Variants in ATP10A observed in about 807,000 individuals in gnomAD.
ATP10A encodes phospholipid-transporting ATPase VA.
Under a neutral mutation model 147.8 loss-of-function variants are expected in ATP10A, and 111 were observed. The ratio of observed to expected loss-of-function variants is 0.75; its 90% confidence interval spans 0.64 to 0.88. The LOEUF is 0.88. Among genes scored for constraint, ATP10A ranks in the 40% least tolerant of loss-of-function variants. ATP10A has a pLI of 0.00. For missense variants in ATP10A, 1,927 were observed against 1,959.0 expected (o/e 0.98, Z 0.31); for synonymous variants, 875 against 841.6 (o/e 1.04, Z -0.69).
At chr15:25,818,676 G>A (rs11638983) in intron 1 of ATP10A, among the ~76,000 whole-genome samples, 56,558 of 151,918 alleles carry the variant, frequency 0.37, 12,222 homozygotes, top group African/African-American at 0.6. Flanking sequence ...GAACAAAGCC[G>A]GGGCATCACA....
intron 2 of ATP10A, among the ~76,000 whole-genome samples, chr15:25,770,798 C>A (rs1889293226): frequency 6.6e-6 from 1 of 152,248 alleles, no homozygotes; most frequent in Non-Finnish European, 1.5e-5. Context: ...ATACCTCAAG[C>A]CTGCCCTGAG....
At chr15:25,857,398 G>T (rs1390116312) in intron 1 of ATP10A, among the ~76,000 whole-genome samples, 4 of 152,202 alleles carry the variant, frequency 2.6e-5, no homozygotes, top group African/African-American at 9.7e-5. Context: ...AGTGAACCGT[G>T]ATCATGCCAC....
intron 2 of ATP10A, among the ~76,000 whole-genome samples, chr15:25,745,195 A>G (rs6576451): frequency 0.45 from 67,818 of 151,676 alleles, 15,436 homozygotes; most frequent in East Asian, 0.61. Context: ...GTGTGATGTC[A>G]CGTGTCTGTA....
At chr15:25,774,790 G>T (rs909054595) in intron 2 of ATP10A, among the ~76,000 whole-genome samples, 39 of 151,954 alleles carry the variant, frequency 2.6e-4, no homozygotes, top group African/African-American at 7.2e-4. Flanking sequence ...ATTACCTACA[G>T]AACTGAATTT....
intron 2 of ATP10A, among the ~76,000 whole-genome samples, chr15:25,777,216 C>T (rs1268209265): frequency 6.6e-6 from 1 of 151,996 alleles, no homozygotes; most frequent in Non-Finnish European, 1.5e-5. Context: ...GGACATATTC[C>T]TGCAGGCAAC....
intron 14 of ATP10A, 39 bp downstream of exon 14, chr15:25,694,780 C>T (rs375482620): frequency 7.7e-6 from 12 of 1,552,094 alleles, no homozygotes; most frequent in South Asian, 3.6e-5. Flanking sequence ...AGTTTGGGTC[C>T]AGCTGGGAGG....
At chr15:25,695,756 G>T (rs575921068) in intron 13 of ATP10A, among the ~76,000 whole-genome samples, 1 of 152,240 alleles carries the variant, frequency 6.6e-6, no homozygotes, top group East Asian at 1.9e-4. Flanking sequence ...GAAATTGCTG[G>T]ATAGTTAGAC....
intron 1 of ATP10A, among the ~76,000 whole-genome samples, chr15:25,792,538 T>C (rs1381265469): frequency 2.6e-4 from 40 of 152,210 alleles, no homozygotes; most frequent in Non-Finnish European, 1.0e-4. Context: ...AGATGTTGCA[T>C]GTATTTAAAT....
At chr15:25,848,232 C>T (rs546334525) in intron 1 of ATP10A, among the ~76,000 whole-genome samples, 13 of 152,228 alleles carry the variant, frequency 8.5e-5, no homozygotes, top group South Asian at 4.2e-4. Flanking sequence ...ATTAGCTTCC[C>T]GCTGCGGCAA....
intron 2 of ATP10A, among the ~76,000 whole-genome samples, chr15:25,776,307 C>T (rs887369996): frequency 3.9e-5 from 6 of 152,190 alleles, no homozygotes; most frequent in African/African-American, 1.2e-4. Context: ...GAGGAACCCG[C>T]TCCGAATCCA....
In ATP10A at chr15:25,862,845, G is replaced by A. The variant is rs760401110; in HGVS notation, c.252C>T (p.His84=). The A allele has an allele frequency of 3.7e-6, 6 of 1,610,132 alleles. No individual in the cohort carries two copies. In the South Asian group the frequency reaches 5.5e-5, roughly 15 times the overall value. Residue 84 remains histidine, a synonymous_variant, in exon 1 of 21, where the codon CAC becomes CAT. Coordinates refer to ENST00000555815, the MANE Select transcript of ATP10A (RefSeq NM_024490.4). The stretch of plus-strand genomic sequence containing the variant: ...AGACAAAGTACACGTTGGCCGGGCG[G>A]TGGAACTGCTCGAACAGGTTCTTGG... ...FLPKNLFEQF[H]RPANVYFVFI...
At chr15:25,822,511 C>T (rs543111012) in intron 1 of ATP10A, among the ~76,000 whole-genome samples, 1 of 152,218 alleles carries the variant, frequency 6.6e-6, no homozygotes, top group South Asian at 2.1e-4. Context: ...CTTTGCCTAT[C>T]GCACAATAAG....
At chr15:25,693,906 G>A (rs1007002258) in intron 14 of ATP10A, among the ~76,000 whole-genome samples, 6 of 152,218 alleles carry the variant, frequency 3.9e-5, no homozygotes, top group Non-Finnish European at 8.8e-5. Context: ...TCAACAAGCA[G>A]GGGCTGTCAC....
chr15:25,808,604 G>A (rs1309611139), intron 1 of ATP10A, among the ~76,000 whole-genome samples: 1 of 152,142 alleles, frequency 6.6e-6, no homozygotes, highest in African/African-American at 2.4e-5. Flanking sequence ...GGATGGTCTC[G>A]AACTCCCAAC....
At chr15:25,785,772 G>A (rs1052501802) in intron 1 of ATP10A, among the ~76,000 whole-genome samples, 1 of 152,214 alleles carries the variant, frequency 6.6e-6, no homozygotes, top group Admixed American at 6.5e-5. Context: ...GGCTGGGGAA[G>A]TCTGGCTGTG....
chr15:25,842,041 C>T (rs960318421), intron 1 of ATP10A, among the ~76,000 whole-genome samples: 1 of 152,126 alleles, frequency 6.6e-6, no homozygotes, highest in Non-Finnish European at 1.5e-5. Flanking sequence ...GAGTGGAAGG[C>T]AGTTCCCTGG....
rs370384795 is a variant in ATP10A at position 25,684,845 on chromosome 15, A to G, written c.3292-1359T>C. Among the ~76,000 whole-genome samples, 56 of 152,340 alleles carry G rather than the reference A, an allele frequency of 3.7e-4. No individual in the cohort carries two copies. The East Asian group carries it at 4.8e-3, about 13-fold the overall frequency. On this transcript the variant is annotated intron_variant, in intron 16 of 20. Transcript: ENST00000555815. ...GACCTGAAAGTGACTTGTGAAGATC[A>G]TAAGAAATAATAGCTTATGTTGAAA...
rs1893849534 is a variant in ATP10A at position 25,863,089 on chromosome 15, C to T, written c.8G>A (p.Arg3Gln). Residue 3 changes from arginine (R) to glutamine (Q), a missense_variant, in exon 1 of 21, where the codon CGG becomes CAG. Physicochemically the swap from Arg to Gln is conservative, Grantham distance 43. Coordinates refer to ENST00000555815, the MANE Select transcript of ATP10A (RefSeq NM_024490.4). Reference protein sequence around the residue: MEREPAGTEEPGP... With the variant: MEQEPAGTEEPGP... ...GGGCTCCTCGGTCCCCGCCGGCTCCCGCTCCATGGCCGCGTGTCGCCGCGC... is the reference window on the plus strand; with the variant it reads ...GGGCTCCTCGGTCCCCGCCGGCTCCTGCTCCATGGCCGCGTGTCGCCGCGC... 3 of 1,192,488 alleles carry T rather than the reference C, an allele frequency of 2.5e-6. No individual in the cohort carries two copies. The highest frequency in any genetic ancestry group is 4.0e-5 in the South Asian group (1 of 24,772). The allele number at this position is 1,192,488 out of a possible 1,614,324, so 73.9% of individuals were successfully genotyped here. A position where few individuals can be genotyped will look rare whatever the true frequency, so the allele number is the denominator to read the frequency against.
chr15:25,767,157 G>A (rs369463369), intron 2 of ATP10A, among the ~76,000 whole-genome samples: 10 of 152,298 alleles, frequency 6.6e-5, no homozygotes, highest in South Asian at 6.2e-4. Context: ...GACACTCACC[G>A]CTGCAGGCCT....
Sources: gnomAD v4.1 joint callset for allele counts (sites outside exome capture counted in the v4.1 genomes callset) on GRCh38, gnomAD v4.1.1 for gene constraint, MANE v1.5 for transcripts, NCBI Gene and HGNC (gene_info 2026-07-23, HGNC 2026-07-21) for gene names.